Variants in RIPOR3 observed in about 807,000 individuals in gnomAD.
RIPOR3 encodes family with sequence similarity 65 member C.
In RIPOR3, 95 loss-of-function variants were observed where a neutral mutation model predicts 114.3. The observed-to-expected ratio is 0.83, with a 90% CI of 0.70 to 0.99. The LOEUF (loss-of-function observed/expected upper bound fraction) is 0.99. RIPOR3 is among the 50% of genes least tolerant of loss of function. The pLI is 0.00. For missense variants in RIPOR3, 1,252 were observed against 1,266.9 expected, an observed-to-expected ratio of 0.99 and a Z score of 0.18; for synonymous variants, 575 against 543.8, an observed-to-expected ratio of 1.06 and a Z score of -0.80.
chr20:50,610,173 CA>C (rs2083921484), intron 6 of RIPOR3, among the ~76,000 whole-genome samples: 1 of 144,740 alleles, frequency 6.9e-6, no homozygotes, highest in Non-Finnish European at 1.6e-5. Context: ...AACCCTGTCT[CA>C]CCTGCCTCTC....
At chr20:50,594,827 G>T in intron 16 of RIPOR3, 113 bp from the exon 17 acceptor site, 1 of 1,246,446 alleles carries the variant, frequency 8.0e-7, no homozygotes, top group Non-Finnish European at 1.1e-6. Context: ...GGGACGGTGT[G>T]GCTTGATGCG....
Position 50,691,292 on chromosome 20 carries a change from C to G in RIPOR3, c.-164G>C, listed in dbSNP as rs2087205156. ...CACACTGGCCACCAGCCGCTGGTCCCGCTCTCTGGGAAGATCGCCTTGAGG... is the reference window on the plus strand; with the variant it reads ...CACACTGGCCACCAGCCGCTGGTCCGGCTCTCTGGGAAGATCGCCTTGAGG... On this transcript the variant is annotated 5_prime_UTR_variant, in exon 1 of 22. Transcript: ENST00000327979. 1.1e-6 allele frequency: 1 copy of G among 891,022 alleles called. No homozygotes were observed. The highest frequency in any genetic ancestry group is 1.6e-6 in the Non-Finnish European group (1 of 642,742). 55.2% of individuals were successfully genotyped at this position (891,022 alleles called of 1,614,324 possible). A position where few individuals can be genotyped will look rare whatever the true frequency, so the allele number is the denominator to read the frequency against.
intron 2 of RIPOR3, chr20:50,620,754 C>G (rs918437989): frequency 1.7e-6 from 1 of 581,100 alleles, no homozygotes; most frequent in African/African-American, 1.9e-5. Flanking sequence ...TGGAGAGCAG[C>G]AGCCATGGCT....
intron 17 of RIPOR3, 33 bp from the exon 18 acceptor site, chr20:50,593,229 T>G (rs1265095299): frequency 3.1e-6 from 5 of 1,599,242 alleles, no homozygotes; most frequent in Non-Finnish European, 4.3e-6. Context: ...CAGGAGAAAC[T>G]GAGACCTCGA....
At chr20:50,677,136 G>A (rs1480231208) in intron 1 of RIPOR3, among the ~76,000 whole-genome samples, 1 of 152,102 alleles carries the variant, frequency 6.6e-6, no homozygotes, top group Non-Finnish European at 1.5e-5. Flanking sequence ...AGAAAACTCA[G>A]TTCTGAGGGT....
At chr20:50,647,280 AC>A (rs1186699104) in intron 1 of RIPOR3, among the ~76,000 whole-genome samples, 1 of 152,004 alleles carries the variant, frequency 6.6e-6, no homozygotes, top group African/African-American at 2.4e-5. Flanking sequence ...GGATCGCATC[AC>A]TGTACTCCAG....
intron 1 of RIPOR3, among the ~76,000 whole-genome samples, chr20:50,679,554 G>C (rs1180030741): frequency 6.8e-6 from 1 of 146,358 alleles, no homozygotes; most frequent in Admixed American, 7.0e-5. Context: ...TCAGGAGATC[G>C]AGACCATTCT....
chr20:50,651,965 A>G (rs1024625711), intron 1 of RIPOR3, among the ~76,000 whole-genome samples: 27 of 152,222 alleles, frequency 1.8e-4, no homozygotes, highest in African/African-American at 5.5e-4. Flanking sequence ...TATTGTGGAC[A>G]TGGCGGGGCA....
intron 1 of RIPOR3, among the ~76,000 whole-genome samples, chr20:50,680,213 G>T (rs563697482): frequency 6.6e-6 from 1 of 152,186 alleles, no homozygotes; most frequent in South Asian, 2.1e-4. Flanking sequence ...TAACTCAGGC[G>T]CTGTGGTAGC....
chr20:50,622,221 A>C (rs2084437899), intron 2 of RIPOR3, among the ~76,000 whole-genome samples: 2 of 143,306 alleles, frequency 1.4e-5, no homozygotes, highest in Non-Finnish European at 3.0e-5. Context: ...TCTCACTGTC[A>C]CCCAGCCTGG....
chr20:50,667,771 T>C (rs1273512078), intron 1 of RIPOR3, among the ~76,000 whole-genome samples: 1 of 152,170 alleles, frequency 6.6e-6, no homozygotes, highest in Non-Finnish European at 1.5e-5. Flanking sequence ...AAACTGAAAA[T>C]TCACACAGCA....
intron 2 of RIPOR3, among the ~76,000 whole-genome samples, chr20:50,626,226 C>T (rs914391737): frequency 5.3e-5 from 8 of 152,252 alleles, no homozygotes; most frequent in South Asian, 4.1e-4. Flanking sequence ...ACCGCTTCCC[C>T]GTCGGTGTGG....
intron 2 of RIPOR3, among the ~76,000 whole-genome samples, chr20:50,628,922 T>A (rs970548842): frequency 6.6e-6 from 1 of 151,982 alleles, no homozygotes; most frequent in African/African-American, 2.4e-5. Flanking sequence ...TGGGGTCCTA[T>A]CCCCGCAGCA....
chr20:50,589,712 CG>C lies in RIPOR3; in HGVS notation c.2634del (p.Ala879HisfsTer3). The C allele has an allele frequency of 6.2e-7, 1 of 1,613,646 alleles. No individual in the cohort carries two copies. On this transcript the variant is annotated frameshift_variant, in exon 20 of 22. Coordinates refer to ENST00000327979, the MANE Select transcript of RIPOR3 (RefSeq NM_001290268.2). LOFTEE classifies it high-confidence loss of function. ...TTGAGGTGTTTGAGCGCTAGGCATG[CG>C]GCCTGCTGGAGCCTTGCGTCGTTCT... Reference protein sequence around the residue: ...LAENDARLQQAACLALKHLKG... With the variant: ...LAENDARLQQXACLALKHLKG...
intron 1 of RIPOR3, among the ~76,000 whole-genome samples, chr20:50,686,730 G>A (rs373648767): frequency 4.0e-5 from 6 of 150,260 alleles, no homozygotes; most frequent in Non-Finnish European, 5.9e-5. Context: ...CAGCCTGGGC[G>A]ACAGAGCGAG....
At chr20:50,642,886 T>C (rs1244187026) in intron 1 of RIPOR3, among the ~76,000 whole-genome samples, 1 of 151,976 alleles carries the variant, frequency 6.6e-6, no homozygotes, top group Non-Finnish European at 1.5e-5. Flanking sequence ...CTGTCTCTAC[T>C]AAAAATACAA....
intron 1 of RIPOR3, among the ~76,000 whole-genome samples, chr20:50,676,754 A>C (rs6020678): frequency 0.82 from 121,240 of 148,066 alleles, 50,446 homozygotes; most frequent in East Asian, 0.96. Flanking sequence ...CTATCAGTGC[A>C]TCCTCCAGAT....
At chr20:50,657,195 T>C (rs1364619495) in intron 1 of RIPOR3, among the ~76,000 whole-genome samples, 3 of 152,198 alleles carry the variant, frequency 2.0e-5, no homozygotes, top group African/African-American at 7.2e-5. Flanking sequence ...AAGACCAGCC[T>C]TGGCAACATA....
intron 2 of RIPOR3, among the ~76,000 whole-genome samples, chr20:50,622,744 G>A (rs1278365719): frequency 1.3e-5 from 2 of 152,064 alleles, no homozygotes; most frequent in African/African-American, 2.4e-5. Context: ...TGCATTTTGG[G>A]GGTCCTTTTA....
Sources: allele counts gnomAD v4.1 joint callset (sites outside exome capture counted in the v4.1 genomes callset), GRCh38; gene constraint gnomAD v4.1.1; transcripts MANE v1.5; gene names NCBI Gene and HGNC (gene_info 2026-07-23, HGNC 2026-07-21).